The following PKNOX2 variants were observed in gnomAD, a reference collection of about 807,000 sequenced individuals.
PKNOX2 encodes the protein homeobox protein PKNOX2.
Under a neutral mutation model 53.1 loss-of-function variants are expected in PKNOX2, and 14 were observed. That is an observed-to-expected ratio of 0.26 (90% confidence interval 0.17 to 0.41). The LOEUF is 0.41. PKNOX2 is among the 10% of genes least tolerant of loss of function. PKNOX2 has a pLI of 1.00. For synonymous variants in PKNOX2, 257 were observed against 242.8 expected, an observed-to-expected ratio of 1.06 and a Z score of -0.54; for missense variants, 496 against 602.8, an observed-to-expected ratio of 0.82 and a Z score of 1.85.
At chr11:125,260,630 T>C (rs897321208) in intron 2 of PKNOX2, among the ~76,000 whole-genome samples, 1 of 152,168 alleles carries the variant, frequency 6.6e-6, no homozygotes, top group Non-Finnish European at 1.5e-5. Context: ...ACATGGCAGC[T>C]CAGTGCTTGG....
At chr11:125,296,557 T>C (rs1000564515) in intron 2 of PKNOX2, among the ~76,000 whole-genome samples, 36 of 152,190 alleles carry the variant, frequency 2.4e-4, no homozygotes, top group Non-Finnish European at 2.1e-4. Context: ...CTCCTGGTGC[T>C]CTTGATCCTT....
At chr11:125,321,901 T>C (rs1179931468) in intron 2 of PKNOX2, among the ~76,000 whole-genome samples, 3 of 152,220 alleles carry the variant, frequency 2.0e-5, no homozygotes, top group African/African-American at 7.2e-5. Context: ...GATGGGAACT[T>C]CTATGTGTCC....
chr11:125,231,590 G>A (rs1362759542), intron 1 of PKNOX2, among the ~76,000 whole-genome samples: 1 of 152,232 alleles, frequency 6.6e-6, no homozygotes, highest in African/African-American at 2.4e-5. Context: ...CAGGCACATG[G>A]ATGGTTCCCC....
chr11:125,367,217 G>A (rs543274932), intron 4 of PKNOX2, among the ~76,000 whole-genome samples: 14 of 152,128 alleles, frequency 9.2e-5, no homozygotes, highest in Non-Finnish European at 1.6e-4. Context: ...TGTCGGCCTC[G>A]GGACACCTTC....
At chr11:125,245,888 G>A (rs1358519110) in intron 2 of PKNOX2, among the ~76,000 whole-genome samples, 3 of 152,162 alleles carry the variant, frequency 2.0e-5, no homozygotes, top group Non-Finnish European at 4.4e-5. Context: ...CCAAGGCCTG[G>A]GAAAGTCCAG....
chr11:125,279,326 T>G (rs1486773645), intron 2 of PKNOX2, among the ~76,000 whole-genome samples: 3 of 152,170 alleles, frequency 2.0e-5, no homozygotes, highest in African/African-American at 7.2e-5. Flanking sequence ...GTATCTACCC[T>G]GCACTCAGCC....
chr11:125,209,448 G>C (rs138805082), intron 1 of PKNOX2, among the ~76,000 whole-genome samples: 167 of 152,160 alleles, frequency 1.1e-3, no homozygotes, highest in African/African-American at 3.8e-3. Context: ...CTATGGGATG[G>C]AGGGTCAGAG....
chr11:125,364,716 A>G (rs1034515388), intron 4 of PKNOX2, among the ~76,000 whole-genome samples: 1 of 152,180 alleles, frequency 6.6e-6, no homozygotes, highest in African/African-American at 2.4e-5. Flanking sequence ...CCTCTCCTCC[A>G]TCTGTGAAGC....
chr11:125,420,486 A>G (rs1207216026), intron 10 of PKNOX2, among the ~76,000 whole-genome samples: 1 of 151,920 alleles, frequency 6.6e-6, no homozygotes, highest in Non-Finnish European at 1.5e-5. Context: ...AGATTGCGCC[A>G]CTGCACTCCA....
chr11:125,374,169 C>T (rs1302248934), intron 5 of PKNOX2, among the ~76,000 whole-genome samples: 1 of 152,184 alleles, frequency 6.6e-6, no homozygotes, highest in African/African-American at 2.4e-5. Flanking sequence ...GCTTAACCCT[C>T]TGCCTTCCCT....
At chr11:125,176,595 G>C (rs1400933171) in intron 1 of PKNOX2, among the ~76,000 whole-genome samples, 1 of 152,204 alleles carries the variant, frequency 6.6e-6, no homozygotes, top group South Asian at 2.1e-4. Context: ...CATGAAGGGA[G>C]ACTTGCCGTG....
Position 125,339,992 on chromosome 11 carries a change from G to A in PKNOX2, c.-23+8067G>A, listed in dbSNP as rs558450295. On this transcript the variant is annotated intron_variant, in intron 3 of 12. Coordinates refer to ENST00000298282, the MANE Select transcript of PKNOX2 (RefSeq NM_001382323.2). ...AACGTTTTCCATCTTCGTCTCAGTC[G>A]TATTATGTTTATGAGACCCCTACTT... is the stretch of plus-strand genomic sequence containing the variant. Among the ~76,000 whole-genome samples, 3 of 152,302 alleles carry A rather than the reference G, an allele frequency of 2.0e-5. No individual in the cohort carries two copies. In the East Asian group the frequency reaches 5.8e-4, roughly 29 times the overall value.
chr11:125,207,408 A>G (rs1307955817), intron 1 of PKNOX2, among the ~76,000 whole-genome samples: 1 of 152,076 alleles, frequency 6.6e-6, no homozygotes, highest in East Asian at 1.9e-4. Flanking sequence ...ACGGGTGTAT[A>G]AGCTCTCCCA....
At chr11:125,214,762 C>T (rs1298430998) in intron 1 of PKNOX2, among the ~76,000 whole-genome samples, 1 of 152,038 alleles carries the variant, frequency 6.6e-6, no homozygotes, top group Non-Finnish European at 1.5e-5. Context: ...CCTTCCCTCT[C>T]CACCCTCCTC....
At chr11:125,178,013 C>T (rs545745144) in intron 1 of PKNOX2, among the ~76,000 whole-genome samples, 123 of 152,220 alleles carry the variant, frequency 8.1e-4, no homozygotes, top group Middle Eastern at 3.4e-3. Context: ...TGACATTGAG[C>T]GAGGTATTTT....
At chr11:125,320,800 G>A (rs992327586) in intron 2 of PKNOX2, among the ~76,000 whole-genome samples, 2 of 152,198 alleles carry the variant, frequency 1.3e-5, no homozygotes, top group Non-Finnish European at 2.9e-5. Flanking sequence ...GCCTCCTGGA[G>A]GGAGGTGGAT....
intron 1 of PKNOX2, among the ~76,000 whole-genome samples, chr11:125,224,481 C>G (rs926967960): frequency 6.6e-6 from 1 of 152,240 alleles, no homozygotes; most frequent in African/African-American, 2.4e-5. Flanking sequence ...CCGGCCTTGC[C>G]TGGGAGGCCG....
chr11:125,358,919 C>T lies in PKNOX2; in HGVS notation c.87+7527C>T, dbSNP rs117641515. 3.1e-3 allele frequency among the ~76,000 whole-genome samples: 472 copies of T among 152,294 alleles called. 4 individuals are homozygous for T. The highest frequency in any genetic ancestry group is 0.025 in the East Asian group (130 of 5,174). On this transcript the variant is annotated intron_variant, in intron 4 of 12. Transcript: ENST00000298282. ...AGACAGGCAAAGGGCCTGGTGTTGC[C>T]GGTGTTGGGGTCCGTTCAGATGAGG...
Position 125,316,302 on chromosome 11 carries a change from T to C in PKNOX2, c.-129-15517T>C, listed in dbSNP as rs547960916. On this transcript the variant is annotated intron_variant, in intron 2 of 12. Coordinates refer to ENST00000298282, the MANE Select transcript of PKNOX2 (RefSeq NM_001382323.2). The stretch of plus-strand genomic sequence containing the variant: ...CCAGTGCCGGGGCCTGTGTGAACTC[T>C]CTTATGTGGCCTTCTATGCACTGGG... 2.0e-5 allele frequency among the ~76,000 whole-genome samples: 3 copies of C among 152,334 alleles called. No individual in the cohort carries two copies. The East Asian group carries it at 5.8e-4, about 29-fold the overall frequency.
Sources: gnomAD v4.1 joint callset for allele counts (sites outside exome capture counted in the v4.1 genomes callset) on GRCh38, gnomAD v4.1.1 for gene constraint, MANE v1.5 for transcripts, NCBI Gene and HGNC (gene_info 2026-07-23, HGNC 2026-07-21) for gene names.